The following ANO4 variants were observed in gnomAD, a reference collection of about 807,000 sequenced individuals.
ANO4 encodes the protein anoctamin-4.
ANO4 carries 69 observed loss-of-function variants against 141.9 expected under a neutral mutation model. That is an observed-to-expected ratio of 0.49 (90% CI 0.40 to 0.59). ANO4 has a LOEUF of 0.59. Ranked by LOEUF, ANO4 falls within the 20% of genes least tolerant of loss-of-function variation. ANO4 has a pLI of 0.00. For synonymous variants in ANO4, 350 were observed against 394.3 expected (o/e 0.89, Z 1.33); for missense variants, 894 against 1,162.2 (o/e 0.77, Z 3.36).
intron 9 of ANO4, among the ~76,000 whole-genome samples, chr12:101,021,933 T>C (rs1483542898): frequency 6.6e-6 from 1 of 151,324 alleles, no homozygotes; most frequent in East Asian, 1.9e-4. Context: ...GCAAAACAAC[T>C]ACCTTGGTAC....
chr12:100,977,716 C>T (rs2044260715), intron 7 of ANO4, among the ~76,000 whole-genome samples: 1 of 152,188 alleles, frequency 6.6e-6, no homozygotes, highest in Non-Finnish European at 1.5e-5. Context: ...TGCCTCCTTT[C>T]TGACCCCTTC....
At chr12:100,856,045 C>T (rs768505757) in intron 1 of ANO4, among the ~76,000 whole-genome samples, 7 of 152,008 alleles carry the variant, frequency 4.6e-5, no homozygotes, top group Non-Finnish European at 8.8e-5. Flanking sequence ...GGATAATATT[C>T]CAGGCTGAGA....
At chr12:100,945,367 G>T (rs1281326955) in intron 5 of ANO4, among the ~76,000 whole-genome samples, 3 of 152,180 alleles carry the variant, frequency 2.0e-5, no homozygotes, top group Non-Finnish European at 4.4e-5. Flanking sequence ...ATAAGTGCTT[G>T]CTTTGGTACC....
At chr12:100,916,142 G>A (rs530131940) in intron 2 of ANO4, among the ~76,000 whole-genome samples, 1 of 152,210 alleles carries the variant, frequency 6.6e-6, no homozygotes. Context: ...CACATAGAAG[G>A]ATCCAACAGA....
chr12:100,758,317 C>T (rs769344988), intron 3 of ANO4, among the ~76,000 whole-genome samples: 2 of 152,122 alleles, frequency 1.3e-5, no homozygotes, highest in African/African-American at 2.4e-5. Flanking sequence ...GTGACTGGTG[C>T]CTGGGAGCAG....
intron 1 of ANO4, among the ~76,000 whole-genome samples, chr12:100,882,273 C>T (rs988592707): frequency 3.9e-5 from 6 of 152,054 alleles, no homozygotes; most frequent in African/African-American, 9.7e-5. Context: ...GAATACTTGT[C>T]GAGCTACATA....
chr12:100,966,031 C>T (rs1457650501), intron 5 of ANO4, among the ~76,000 whole-genome samples: 4 of 151,960 alleles, frequency 2.6e-5, no homozygotes, highest in Non-Finnish European at 4.4e-5. Flanking sequence ...TGCAGGAAAC[C>T]CTGAAGATAC....
intron 5 of ANO4, among the ~76,000 whole-genome samples, chr12:100,967,594 CACACACA>C (rs2043733792): frequency 1.3e-5 from 2 of 151,842 alleles, no homozygotes; most frequent in African/African-American, 4.8e-5. Context: ...CACACACACA[CACACACA>C]CACACAGAGG....
At chr12:100,722,327 C>T (rs1367731955) in intron 1 of ANO4, among the ~76,000 whole-genome samples, 1 of 152,206 alleles carries the variant, frequency 6.6e-6, no homozygotes, top group African/African-American at 2.4e-5. Context: ...TTGAATTACA[C>T]TTGCAAATCT....
chr12:100,778,439 C>T (rs1005011538), intron 3 of ANO4, among the ~76,000 whole-genome samples: 1 of 152,126 alleles, frequency 6.6e-6, no homozygotes, highest in African/African-American at 2.4e-5. Flanking sequence ...AGTTCCAGAA[C>T]ATTTAGTGTT....
intron 1 of ANO4, among the ~76,000 whole-genome samples, chr12:100,864,262 T>C (rs2135901313): frequency 6.6e-6 from 1 of 152,282 alleles, no homozygotes; most frequent in Non-Finnish European, 1.5e-5. Flanking sequence ...CTTGGGTCAC[T>C]TGCCCCCATT....
intron 8 of ANO4, among the ~76,000 whole-genome samples, chr12:101,017,050 C>T (rs1050134607): frequency 1.3e-5 from 2 of 152,194 alleles, no homozygotes; most frequent in African/African-American, 4.8e-5. Flanking sequence ...TGGTTCTTTG[C>T]TTCCTTCTCT....
chr12:101,044,015 G>A (rs1378032215), intron 13 of ANO4, among the ~76,000 whole-genome samples: 1 of 152,096 alleles, frequency 6.6e-6, no homozygotes, highest in African/African-American at 2.4e-5. Context: ...TGTTTCACAC[G>A]GAGTTAAGGT....
chr12:100,959,054 C>T (rs1040929501), intron 5 of ANO4, among the ~76,000 whole-genome samples: 3 of 152,206 alleles, frequency 2.0e-5, no homozygotes, highest in African/African-American at 7.2e-5. Context: ...TGCCCTCTCT[C>T]TGCCCAATCA....
Position 101,039,947 on chromosome 12 carries a change from T to C in ANO4, c.898-8T>C. 1 of 1,608,270 alleles carries C rather than the reference T, an allele frequency of 6.2e-7. No individual in the cohort carries two copies. The highest frequency in any genetic ancestry group is 8.5e-7 in the Non-Finnish European group (1 of 1,176,316). On this transcript the variant is annotated splice_region_variant and splice_polypyrimidine_tract_variant and intron_variant, in intron 10 of 27. Transcript: ENST00000392977. The stretch of plus-strand genomic sequence containing the variant: ...ACTACCTCACTGGCAGTGGTGTTTT[T>C]ATCCCAGGGAAGTTATAGAAGTAAA...
At chr12:101,060,888 T>A (rs920801050) in intron 14 of ANO4, among the ~76,000 whole-genome samples, 1 of 152,328 alleles carries the variant, frequency 6.6e-6, no homozygotes, top group Non-Finnish European at 1.5e-5. Context: ...CATTTAAGGA[T>A]AATATTGTTA....
chr12:101,044,014 C>T (rs1044262057), intron 13 of ANO4, among the ~76,000 whole-genome samples: 4 of 152,152 alleles, frequency 2.6e-5, no homozygotes, highest in Admixed American at 2.0e-4. Flanking sequence ...TTGTTTCACA[C>T]GGAGTTAAGG....
intron 21 of ANO4, among the ~76,000 whole-genome samples, 153 bp downstream of exon 21, chr12:101,098,098 A>G (rs1299907189): frequency 1.3e-5 from 2 of 152,220 alleles, no homozygotes; most frequent in African/African-American, 4.8e-5. Context: ...AAAGGCAGCC[A>G]TGAAAATCAT....
In ANO4 at chr12:101,078,340, T is replaced by A. The variant is rs529868724; in HGVS notation, c.1313-853T>A. Among the ~76,000 whole-genome samples the A allele has an allele frequency of 5.0e-3, 538 of 108,340 alleles. 3 individuals are homozygous for A. The highest frequency in any genetic ancestry group is 0.023 in the African/African-American group (513 of 22,182). 71.1% of individuals were successfully genotyped at this position (108,340 alleles called of 152,430 possible). Reference sequence around the variant, plus strand: ...GTGAGAGAGTGTGTGTGTGTCTGTATGCATGTGTGTGTGTGTGTGTGTGCC... The same window carrying A: ...GTGAGAGAGTGTGTGTGTGTCTGTAAGCATGTGTGTGTGTGTGTGTGTGCC... On this transcript the variant is annotated intron_variant, in intron 14 of 27. Transcript: ENST00000392977.
Sources: gnomAD v4.1 joint callset for allele counts (sites outside exome capture counted in the v4.1 genomes callset) on GRCh38, gnomAD v4.1.1 for gene constraint, MANE v1.5 for transcripts, NCBI Gene and HGNC (gene_info 2026-07-23, HGNC 2026-07-21) for gene names.